The following IBTK variants were observed in gnomAD, a reference collection of about 807,000 sequenced individuals.
IBTK encodes the protein BTK-binding protein.
In IBTK, 83 loss-of-function variants were observed where a neutral mutation model predicts 154.9. The ratio of observed to expected loss-of-function variants is 0.54; its 90% CI spans 0.45 to 0.64. The LOEUF (loss-of-function observed/expected upper bound fraction) is 0.64. Among genes scored for constraint, IBTK ranks in the 30% least tolerant of loss-of-function variants. The pLI is 0.00. For synonymous variants in IBTK, 515 were observed against 536.1 expected (o/e 0.96, Z 0.54); for missense variants, 1,332 against 1,584.6 (o/e 0.84, Z 2.71).
chr6:82,200,769 T>C, intron 19 of IBTK, 61 bp from the exon 20 acceptor site: 1 of 1,472,734 alleles, frequency 6.8e-7, no homozygotes, highest in Non-Finnish European at 8.9e-7. Context: ...TTTTTTTTTT[T>C]TTTTTTTTTT....
Position 82,181,972 on chromosome 6 carries a change from T to G in IBTK, c.3632A>C (p.Glu1211Ala). The change falls in exon 26 of 29, where the codon GAA becomes GCA. Residue 1211 changes from glutamate (E) to alanine (A), a missense_variant. Around this residue, in one of 3 missense-constraint regions of IBTK, gnomAD observed 1,134 missense variants for 1,274.7 expected, o/e 0.89. Transcript: ENST00000306270. ...SKSFRDFLLE[E>A]KKSVTSHSSG... ...ACTATGGCTAGTAACAGACTTTTTT[T>G]CTTCTAGTAAGAAATCCCGGAATGA... The G allele has an allele frequency of 6.2e-7, 1 of 1,606,558 alleles. No homozygotes were observed. The highest frequency in any genetic ancestry group is 8.5e-7 in the Non-Finnish European group (1 of 1,178,396).
At chr6:82,173,304 A>T in intron 27 of IBTK, 63 bp downstream of exon 27, 2 of 1,209,880 alleles carry the variant, frequency 1.7e-6, no homozygotes, top group Non-Finnish European at 2.4e-6. Context: ...ACTCAGCCTT[A>T]ATGTTTTCAA....
At position 82,240,361 on chromosome 6, in the gene IBTK, G is replaced by A; in HGVS notation, c.126C>T (p.Tyr42=). ...AAACATCCTTGATAGTTGCAGCATTGTAACAATGACTGGAGAGAAAGGCCT... is the reference window on the plus strand; with the variant it reads ...AAACATCCTTGATAGTTGCAGCATTATAACAATGACTGGAGAGAAAGGCCT... ...QIKAFLSSHC[Y]NAATIKDVFG... is the part of the protein sequence containing the mutation. The change falls in exon 2 of 29, where the codon TAC becomes TAT. Residue 42 remains tyrosine (Y), a synonymous_variant. Coordinates refer to ENST00000306270, the MANE Select transcript of IBTK (RefSeq NM_015525.4). The A allele has an allele frequency of 6.2e-7, 1 of 1,614,124 alleles. No homozygotes were observed. Among genetic ancestry groups the A allele is most frequent in the Non-Finnish European group, 8.5e-7 (1 of 1,180,018 alleles).
At chr6:82,196,586 T>C in intron 21 of IBTK, 140 bp from the exon 22 acceptor site, 1 of 461,552 alleles carries the variant, frequency 2.2e-6, no homozygotes, top group Non-Finnish European at 3.6e-6. Context: ...ATAAAAATCT[T>C]AATAATTCAA....
At chr6:82,173,284 G>T (rs1767996757) in intron 27 of IBTK, 83 bp downstream of exon 27, 2 of 953,476 alleles carry the variant, frequency 2.1e-6, no homozygotes, top group Non-Finnish European at 3.3e-6. Flanking sequence ...TTATAGGCAT[G>T]AGCCACTGCA....
chr6:82,238,778 G>A (rs541709970), intron 2 of IBTK, among the ~76,000 whole-genome samples: 8 of 151,766 alleles, frequency 5.3e-5, no homozygotes, highest in African/African-American at 1.2e-4. Context: ...TCACTCTGTC[G>A]CCTAGGCTGG....
intron 16 of IBTK, chr6:82,210,318 C>G (rs1468178568): frequency 1.4e-5 from 2 of 147,520 alleles, no homozygotes; most frequent in Admixed American, 6.9e-5. Context: ...CAACCATTAC[C>G]TACAATTCCT....
intron 27 of IBTK, chr6:82,172,778 G>T: frequency 5.9e-6 from 2 of 338,302 alleles, no homozygotes; most frequent in Non-Finnish European, 1.1e-5. Flanking sequence ...CTTTCGCAGA[G>T]ATTACAGAAT....
At chr6:82,183,460 CAACTT>C (rs1415529054) in intron 25 of IBTK, among the ~76,000 whole-genome samples, 1 of 151,454 alleles carries the variant, frequency 6.6e-6, no homozygotes, top group Non-Finnish European at 1.5e-5. Flanking sequence ...ATGTTATAAA[CAACTT>C]AACACAAATA....
In IBTK at chr6:82,194,652, G is replaced by A; in HGVS notation, c.3175-10C>T. 3 of 1,541,038 alleles carry A rather than the reference G, an allele frequency of 1.9e-6. No individual in the cohort carries two copies. Among genetic ancestry groups the A allele is most frequent in the Non-Finnish European group, 2.6e-6 (3 of 1,148,772 alleles). Reference sequence around the variant, plus strand: ...ACGGTTTGACTTTCGCCTGGGGAGAGAAAAAAAATAAAAAAAGTTAACAGG... The same window carrying A: ...ACGGTTTGACTTTCGCCTGGGGAGAAAAAAAAAATAAAAAAAGTTAACAGG... On this transcript the variant is annotated splice_polypyrimidine_tract_variant and intron_variant, in intron 22 of 28. Coordinates refer to ENST00000306270, the MANE Select transcript of IBTK (RefSeq NM_015525.4).
At position 82,174,798 on chromosome 6, in the gene IBTK, A is replaced by G. The variant is rs145399535; in HGVS notation, c.3726-1360T>C. 4.5e-4 allele frequency: 162 copies of G among 361,980 alleles called. 1 individual carries two copies. Among genetic ancestry groups the G allele is most frequent in the African/African-American group, 3.3e-3 (153 of 46,970 alleles). The allele number at this position is 361,980 out of a possible 1,614,324, so 22.4% of individuals were successfully genotyped here. ...AAAACAAACTCAAAGAATATTATAT[A>G]ATTTGTCTGATTAACAAGTTAGATA... On this transcript the variant is annotated intron_variant, in intron 26 of 28. Coordinates refer to ENST00000306270, the MANE Select transcript of IBTK (RefSeq NM_015525.4).
intron 4 of IBTK, among the ~76,000 whole-genome samples, chr6:82,229,750 T>C (rs1770432981): frequency 6.6e-6 from 1 of 152,160 alleles, no homozygotes; most frequent in South Asian, 2.1e-4. Flanking sequence ...ACAAGTCCTT[T>C]CATTATCCTA....
intron 6 of IBTK, 104 bp from the exon 7 acceptor site, chr6:82,224,289 G>GTATACCACTCAAT: frequency 2.5e-6 from 2 of 797,272 alleles, no homozygotes; most frequent in Non-Finnish European, 4.3e-6. Context: ...CTTGCTGTTA[G>GTATACCACTCAAT]TGGTCCACTC....
chr6:82,212,846 A>G, intron 12 of IBTK, 53 bp from the exon 13 acceptor site: 1 of 1,045,306 alleles, frequency 9.6e-7, no homozygotes, highest in Non-Finnish European at 1.5e-6. Flanking sequence ...AAAAATAAAC[A>G]TACAACAAAA....
chr6:82,212,131 A>T (rs1582223497), intron 13 of IBTK, among the ~76,000 whole-genome samples: 1 of 151,754 alleles, frequency 6.6e-6, no homozygotes, highest in African/African-American at 2.4e-5. Flanking sequence ...AGTGGCTGGG[A>T]TCACAGGCAC....
At chr6:82,226,073 T>G (rs1278106847) in intron 5 of IBTK, among the ~76,000 whole-genome samples, 5 of 152,180 alleles carry the variant, frequency 3.3e-5, no homozygotes, top group African/African-American at 1.2e-4. Context: ...GGTTCAAATC[T>G]TACTTCTGTC....
At chr6:82,208,197 A>C (rs6907379) in intron 16 of IBTK, among the ~76,000 whole-genome samples, 6,449 of 151,210 alleles carry the variant, frequency 0.043, 196 homozygotes, top group African/African-American at 0.074. Flanking sequence ...ATCTCTCTCT[A>C]TATATATAAA....
At chr6:82,190,990 G>A (rs1047018217) in intron 25 of IBTK, 83 bp downstream of exon 25, 3 of 957,606 alleles carry the variant, frequency 3.1e-6, no homozygotes, top group Non-Finnish European at 4.3e-6. Context: ...AACACTGGAA[G>A]TGGGAAGGAA....
At chr6:82,211,665 T>A in intron 13 of IBTK, 93 bp from the exon 14 acceptor site, 1 of 917,846 alleles carries the variant, frequency 1.1e-6, no homozygotes, top group Non-Finnish European at 1.7e-6. Context: ...AGTTTTCTCT[T>A]AAAGGTGGCA....
Sources: gnomAD v4.1 joint callset for allele counts (sites outside exome capture counted in the v4.1 genomes callset) on GRCh38, gnomAD v4.1.1 for gene constraint, gnomAD v4.1.1 regional missense constraint, MANE v1.5 for transcripts, NCBI Gene and HGNC (gene_info 2026-07-23, HGNC 2026-07-21) for gene names.